C1orf141: variants seen among roughly 807,000 people sequenced by gnomAD.
The protein encoded by C1orf141 is uncharacterized protein C1orf141.
In C1orf141, 19 loss-of-function variants were observed where a neutral mutation model predicts 23.2. That is an observed-to-expected ratio of 0.82 (90% CI 0.57 to 1.20). The LOEUF (loss-of-function observed/expected upper bound fraction) is 1.20. Ranked by LOEUF, C1orf141 falls within the 50% of genes most tolerant of loss-of-function variation. The pLI, the probability that C1orf141 is intolerant of heterozygous loss-of-function variation, is 0.00. For synonymous variants in C1orf141, 153 were observed against 154.6 expected (o/e 0.99, Z 0.08); for missense variants, 469 against 455.1 (o/e 1.03, Z -0.28).
upstream of C1orf141, among the ~76,000 whole-genome samples, chr1:67,137,918 AT>A (rs1024521247): frequency 1.3e-5 from 2 of 152,000 alleles, no homozygotes; most frequent in African/African-American, 2.4e-5. Flanking sequence ...AGAAAAGAGC[AT>A]TTTTTTTCCC....
chr1:67,099,451 ATGAC>A lies in C1orf141; in HGVS notation c.347-3134_347-3131del, dbSNP rs143095846. 9.1e-4 allele frequency among the ~76,000 whole-genome samples: 138 copies of A among 152,324 alleles called. 1 individual carries two copies. The highest frequency in any genetic ancestry group is 3.3e-3 in the African/African-American group (137 of 41,576). On this transcript the variant is annotated intron_variant, in intron 5 of 7. Transcript: ENST00000684719. The stretch of plus-strand genomic sequence containing the variant: ...TAGCCAACAGGTCACCATTGAAAGA[ATGAC>A]TAACACATGCTCTTCAGGAAAAATG...
At chr1:67,102,127 G>A (rs1046355154) in intron 5 of C1orf141, among the ~76,000 whole-genome samples, 7 of 152,052 alleles carry the variant, frequency 4.6e-5, no homozygotes, top group East Asian at 3.8e-4. Context: ...CATGTCTTGC[G>A]AAATCAATTT....
chr1:67,141,139 C>A (rs1646633330), intron 1 of C1orf141, among the ~76,000 whole-genome samples: 1 of 152,096 alleles, frequency 6.6e-6, no homozygotes, highest in African/African-American at 2.4e-5. Context: ...GATTAGAAAG[C>A]TTTATACACA....
intron 5 of C1orf141, among the ~76,000 whole-genome samples, chr1:67,105,159 T>G (rs1558189844): frequency 6.6e-6 from 1 of 151,706 alleles, no homozygotes; most frequent in Non-Finnish European, 1.5e-5. Flanking sequence ...AAACCCCGTC[T>G]CTACTAAAAA....
chr1:67,120,505 A>G (rs1570718903), intron 4 of C1orf141, among the ~76,000 whole-genome samples: 1 of 152,242 alleles, frequency 6.6e-6, no homozygotes, highest in African/African-American at 2.4e-5. Context: ...TCAAATTCAT[A>G]TATTGAAGTC....
chr1:67,102,159 T>G (rs1570685285), intron 5 of C1orf141, among the ~76,000 whole-genome samples: 1 of 152,116 alleles, frequency 6.6e-6, no homozygotes, highest in Non-Finnish European at 1.5e-5. Context: ...AACAGCATTT[T>G]AAAAAATGAA....
chr1:67,133,807 C>T (rs944183075), intron 1 of C1orf141, among the ~76,000 whole-genome samples: 2 of 151,952 alleles, frequency 1.3e-5, no homozygotes, highest in East Asian at 1.9e-4. Context: ...AAGAAAACAA[C>T]CCTGCCCACC....
chr1:67,095,561 A>G (rs920753914), intron 6 of C1orf141, 140 bp from the exon 7 acceptor site: 5 of 557,506 alleles, frequency 9.0e-6, no homozygotes, highest in Non-Finnish European at 1.2e-5. Context: ...AACCGACAAG[A>G]TCATCCCGTC....
chr1:67,099,239 G>A (rs931155351), intron 5 of C1orf141, among the ~76,000 whole-genome samples: 2 of 152,146 alleles, frequency 1.3e-5, no homozygotes, highest in African/African-American at 4.8e-5. Flanking sequence ...TTTGTCTGTA[G>A]AGGAATGACA....
chr1:67,127,304 A>G (rs1558205710), intron 2 of C1orf141, 47 bp from the exon 3 acceptor site: 1 of 1,081,282 alleles, frequency 9.2e-7, no homozygotes, highest in Non-Finnish European at 1.4e-6. Flanking sequence ...TCAAATTTAA[A>G]CATAAAACTA....
At chr1:67,141,384 T>C (rs1200749197) in intron 1 of C1orf141, among the ~76,000 whole-genome samples, 1 of 152,152 alleles carries the variant, frequency 6.6e-6, no homozygotes, top group African/African-American at 2.4e-5. Context: ...AAAAGACTTT[T>C]TTCTTCTTGT....
chr1:67,118,103 G>A (rs976787272), intron 4 of C1orf141, among the ~76,000 whole-genome samples: 2 of 152,126 alleles, frequency 1.3e-5, no homozygotes, highest in African/African-American at 2.4e-5. Context: ...TTAATATAGT[G>A]TTGGATTTCA....
chr1:67,128,083 T>C (rs2102499077), intron 2 of C1orf141, among the ~76,000 whole-genome samples: 1 of 152,308 alleles, frequency 6.6e-6, no homozygotes, highest in Middle Eastern at 3.4e-3. Context: ...TAGCAGGCAA[T>C]TAGTCACACA....
intron 5 of C1orf141, among the ~76,000 whole-genome samples, chr1:67,107,555 A>T (rs10736406): frequency 0.69 from 104,392 of 152,030 alleles, 36,200 homozygotes; most frequent in East Asian, 0.79. Context: ...TGTAAACGGG[A>T]TGCATAAGAA....
At chr1:67,096,380 A>G in intron 5 of C1orf141, 59 bp from the exon 6 acceptor site, 1 of 845,040 alleles carries the variant, frequency 1.2e-6, no homozygotes, top group South Asian at 1.6e-5. Context: ...TTAGGAAAAT[A>G]TCTTGCACAA....
Position 67,113,815 on chromosome 1 carries a change from A to G in C1orf141, c.346+1537T>C, listed in dbSNP as rs189674315. ...ATTTTTGCTACCATTATGGAAGGCCAGGTGATTAGTAACAGCCCTCCTGCT... is the reference window on the plus strand; with the variant it reads ...ATTTTTGCTACCATTATGGAAGGCCGGGTGATTAGTAACAGCCCTCCTGCT... On this transcript the variant is annotated intron_variant, in intron 5 of 7. Transcript: ENST00000684719. The G allele has an allele frequency of 5.8e-4, 393 of 674,954 alleles. 1 individual carries two copies. Among genetic ancestry groups the G allele is most frequent in the Non-Finnish European group, 2.6e-4 (111 of 430,394 alleles). 41.8% of individuals were successfully genotyped at this position (674,954 alleles called of 1,614,324 possible). A position where few individuals can be genotyped will look rare whatever the true frequency, so the allele number is the denominator to read the frequency against.
chr1:67,112,775 A>C (rs925580046), intron 5 of C1orf141, among the ~76,000 whole-genome samples: 1 of 152,154 alleles, frequency 6.6e-6, no homozygotes, highest in African/African-American at 2.4e-5. Flanking sequence ...AAATAAACAC[A>C]CTTTGGTGAG....
chr1:67,115,335 G>A lies in C1orf141; in HGVS notation c.346+17C>T. The A allele has an allele frequency of 2.2e-6, 2 of 895,564 alleles. No individual in the cohort carries two copies. Among genetic ancestry groups the A allele is most frequent in the Non-Finnish European group, 1.8e-6 (1 of 550,826 alleles). The allele number at this position is 895,564 out of a possible 1,614,324, so 55.5% of individuals were successfully genotyped here. A position where few individuals can be genotyped will look rare whatever the true frequency, so the allele number is the denominator to read the frequency against. ...ATTAATAAATCAAAGAAGTAAATAT[G>A]TTACACAAAGCATTACCTGTTGACT... On this transcript the variant is annotated intron_variant, in intron 5 of 7. Coordinates refer to ENST00000684719, the MANE Select transcript of C1orf141 (RefSeq NM_001276351.2).
At chr1:67,101,017 TA>T (rs1050492822) in intron 5 of C1orf141, among the ~76,000 whole-genome samples, 3 of 151,576 alleles carry the variant, frequency 2.0e-5, no homozygotes, top group African/African-American at 7.3e-5. Context: ...TTCATTTTTT[TA>T]TCTCTCTCTT....
Sources: gnomAD v4.1 joint callset for allele counts (sites outside exome capture counted in the v4.1 genomes callset) on GRCh38, gnomAD v4.1.1 for gene constraint, MANE v1.5 for transcripts, NCBI Gene and HGNC (gene_info 2026-07-23, HGNC 2026-07-21) for gene names.